ZNF704: variants seen among roughly 807,000 people sequenced by gnomAD.
ZNF704 encodes the protein zinc finger protein 704.
ZNF704 carries 10 observed loss-of-function variants against 44.7 expected under a neutral mutation model. That is an observed-to-expected ratio of 0.22 (90% CI 0.14 to 0.38). The LOEUF is 0.38. Among genes scored for constraint, ZNF704 ranks in the 10% least tolerant of loss-of-function variants. The pLI, the probability that ZNF704 is intolerant of heterozygous loss-of-function variation, is 1.00. For synonymous variants in ZNF704, 211 were observed against 207.6 expected (o/e 1.02, Z -0.14); for missense variants, 390 against 545.5 (o/e 0.71, Z 2.84).
intron 2 of ZNF704, among the ~76,000 whole-genome samples, chr8:80,713,887 G>A (rs577807626): frequency 6.6e-6 from 1 of 152,224 alleles, no homozygotes; most frequent in South Asian, 2.1e-4. Context: ...GCACCCCTCA[G>A]GCATGCACTA....
At chr8:80,668,504 C>T (rs534459484) in intron 5 of ZNF704, among the ~76,000 whole-genome samples, 1 of 152,138 alleles carries the variant, frequency 6.6e-6, no homozygotes, top group Non-Finnish European at 1.5e-5. Flanking sequence ...GGAAGAAGAA[C>T]GAGCATCTGT....
At chr8:80,824,474 G>C (rs1263351091) in intron 1 of ZNF704, among the ~76,000 whole-genome samples, 1 of 152,202 alleles carries the variant, frequency 6.6e-6, no homozygotes, top group Non-Finnish European at 1.5e-5. Context: ...AAATGACGGG[G>C]AGAATGGAAC....
intron 1 of ZNF704, among the ~76,000 whole-genome samples, chr8:80,859,561 A>T (rs1254172620): frequency 6.6e-6 from 1 of 152,228 alleles, no homozygotes; most frequent in East Asian, 1.9e-4. Flanking sequence ...CAACAACACT[A>T]GCCACGTATG....
chr8:80,726,155 ATTAG>A (rs1806477525), intron 2 of ZNF704, among the ~76,000 whole-genome samples: 2 of 152,214 alleles, frequency 1.3e-5, no homozygotes, highest in Admixed American at 6.5e-5. Flanking sequence ...ATACATATTT[ATTAG>A]TTACTTTAAC....
chr8:80,789,787 T>G (rs1807674108), intron 2 of ZNF704, among the ~76,000 whole-genome samples: 1 of 152,086 alleles, frequency 6.6e-6, no homozygotes, highest in Non-Finnish European at 1.5e-5. Flanking sequence ...TAACACATGA[T>G]TCAACTTCAA....
rs879003066 is a variant in ZNF704, at chr8:80,630,065, A to G, written c.*11301T>C. ...AGGAGAATATAGATGGGCTTCCCAT[A>G]TCCCCATAAGGATATGTATCCAAGT... is the stretch of plus-strand genomic sequence containing the variant. On this transcript the variant is annotated 3_prime_UTR_variant, in exon 9 of 9. Coordinates refer to ENST00000327835, the MANE Select transcript of ZNF704 (RefSeq NM_001033723.3). 2.6e-5 allele frequency: 4 copies of G among 152,248 alleles called. No individual in the cohort carries two copies. In the South Asian group the frequency reaches 8.3e-4, roughly 32 times the overall value. The allele number at this position is 152,248 out of a possible 1,614,324, so 9.4% of individuals were successfully genotyped here.
chr8:80,747,140 T>C (rs1806860702), intron 2 of ZNF704, among the ~76,000 whole-genome samples: 1 of 152,036 alleles, frequency 6.6e-6, no homozygotes, highest in African/African-American at 2.4e-5. Context: ...TAAATTGTTT[T>C]TAATCATATG....
At chr8:80,770,366 T>C (rs2131729705) in intron 2 of ZNF704, among the ~76,000 whole-genome samples, 1 of 152,338 alleles carries the variant, frequency 6.6e-6, no homozygotes, top group East Asian at 1.9e-4. Context: ...CATTAATTTG[T>C]TCTCTATCTT....
In ZNF704 at chr8:80,869,285, T is replaced by C. The variant is rs74337438; in HGVS notation, c.-22+5286A>G. The stretch of plus-strand genomic sequence containing the variant: ...CCAGACAGACTACTTGAACTATAAA[T>C]GTGGAATCACAAACCTCAGTTGCGT... On this transcript the variant is annotated intron_variant, in intron 1 of 8. Transcript: ENST00000327835. Among the ~76,000 whole-genome samples, 841 of 152,338 alleles carry C rather than the reference T, an allele frequency of 5.5e-3. 8 individuals carry two copies. The highest frequency in any genetic ancestry group is 0.019 in the African/African-American group (799 of 41,570).
intron 2 of ZNF704, among the ~76,000 whole-genome samples, chr8:80,805,742 T>C (rs533301411): frequency 4.6e-5 from 7 of 152,234 alleles, no homozygotes; most frequent in Non-Finnish European, 1.0e-4. Context: ...ATTCTGATTA[T>C]GGTAAAAGTG....
At chr8:80,661,107 A>C (rs1042628978) in intron 6 of ZNF704, among the ~76,000 whole-genome samples, 3 of 152,196 alleles carry the variant, frequency 2.0e-5, no homozygotes, top group Non-Finnish European at 4.4e-5. Context: ...GCAAAAACCA[A>C]ATAATTCCAT....
chr8:80,665,149 A>G (rs917536883), intron 5 of ZNF704, 67 bp from the exon 6 acceptor site: 65 of 1,544,220 alleles, frequency 4.2e-5, no homozygotes, highest in Non-Finnish European at 5.3e-5. Flanking sequence ...AATCTTGCAC[A>G]TGCATTTCCC....
Position 80,682,411 on chromosome 8 carries a change from T to C in ZNF704, c.558+4815A>G, listed in dbSNP as rs528146862. Among the ~76,000 whole-genome samples the C allele has an allele frequency of 2.6e-5, 4 of 152,348 alleles. No individual in the cohort carries two copies. The East Asian group carries it at 7.7e-4, about 29-fold the overall frequency. ...TTAAGACACATACCTGTGAAATAAA[T>C]GGAAATGATGAAGGCTGAAATTTAG... On this transcript the variant is annotated intron_variant, in intron 4 of 8. Coordinates refer to ENST00000327835, the MANE Select transcript of ZNF704 (RefSeq NM_001033723.3).
chr8:80,685,480 T>C (rs1195951568), intron 4 of ZNF704, among the ~76,000 whole-genome samples: 1 of 152,184 alleles, frequency 6.6e-6, no homozygotes, highest in Non-Finnish European at 1.5e-5. Flanking sequence ...AGACAGTCTG[T>C]GAAGCTCAAA....
In ZNF704 at chr8:80,846,055, G is replaced by A. The variant is rs568738594; in HGVS notation, c.-21-24440C>T. On this transcript the variant is annotated intron_variant, in intron 1 of 8. Coordinates refer to ENST00000327835, the MANE Select transcript of ZNF704 (RefSeq NM_001033723.3). ...TATTGTGTATAACATTCAAGATTTT[G>A]AAGAACGAATCACTCAACTATCTTG... 2.0e-5 allele frequency among the ~76,000 whole-genome samples: 3 copies of A among 152,138 alleles called. No homozygotes were observed. In the East Asian group the frequency reaches 5.8e-4, roughly 29 times the overall value.
chr8:80,656,596 A>G (rs986356136), intron 7 of ZNF704, among the ~76,000 whole-genome samples: 11 of 152,240 alleles, frequency 7.2e-5, no homozygotes, highest in African/African-American at 2.7e-4. Flanking sequence ...CAGCCTTCTC[A>G]GCTACACACC....
intron 2 of ZNF704, among the ~76,000 whole-genome samples, chr8:80,799,675 G>T (rs1807866642): frequency 6.6e-6 from 1 of 152,172 alleles, no homozygotes; most frequent in Admixed American, 6.6e-5. Flanking sequence ...CAACCTCAAA[G>T]ATCAAAGGTA....
chr8:80,786,718 C>A (rs945376529), intron 2 of ZNF704, among the ~76,000 whole-genome samples: 1 of 152,156 alleles, frequency 6.6e-6, no homozygotes, highest in Non-Finnish European at 1.5e-5. Context: ...CTCAGTCAGA[C>A]AATCACCAAT....
chr8:80,858,588 C>T lies in ZNF704; in HGVS notation c.-22+15983G>A, dbSNP rs1002479896. On this transcript the variant is annotated intron_variant, in intron 1 of 8. Transcript: ENST00000327835. ...TCTCTACCAAAAATACAAAAATTAG[C>T]CAAGCGTGGTAGTGCACACCTGTAA... Among the ~76,000 whole-genome samples, 7 of 152,152 alleles carry T rather than the reference C, an allele frequency of 4.6e-5. No individual in the cohort carries two copies. The East Asian group carries it at 1.3e-3, about 29-fold the overall frequency.
Sources: allele counts gnomAD v4.1 joint callset (sites outside exome capture counted in the v4.1 genomes callset), GRCh38; gene constraint gnomAD v4.1.1; transcripts MANE v1.5; gene names NCBI Gene and HGNC (gene_info 2026-07-23, HGNC 2026-07-21).